The following GRM7 variants were observed in gnomAD, a reference collection of about 807,000 sequenced individuals.
GRM7 encodes the protein metabotropic glutamate receptor 7.
A neutral mutation model predicts 84.5 loss-of-function variants in GRM7; 35 were observed. The observed-to-expected ratio is 0.41, with a 90% CI of 0.32 to 0.55. The LOEUF is 0.55. GRM7 is among the 20% of genes least tolerant of loss of function. The pLI is 0.19. For missense variants in GRM7, 1,003 were observed against 1,194.6 expected (o/e 0.84, Z 2.36); for synonymous variants, 487 against 455.1 (o/e 1.07, Z -0.89).
chr3:7,543,408 G>C (rs73809209), intron 7 of GRM7, among the ~76,000 whole-genome samples: 2,076 of 152,316 alleles, frequency 0.014, 55 homozygotes, highest in African/African-American at 0.047. Flanking sequence ...AGATGGGCTG[G>C]CCAGGAAGTT....
intron 5 of GRM7, among the ~76,000 whole-genome samples, chr3:7,445,820 G>A (rs968192093): frequency 5.9e-5 from 9 of 152,176 alleles, no homozygotes; most frequent in East Asian, 5.8e-4. Flanking sequence ...TTATTTATCT[G>A]TTTATCTTTA....
intron 7 of GRM7, among the ~76,000 whole-genome samples, chr3:7,504,863 C>T (rs1040661901): frequency 5.9e-5 from 9 of 152,110 alleles, no homozygotes; most frequent in Non-Finnish European, 1.0e-4. Context: ...TAATTAATTC[C>T]ATCCTAATAG....
intron 1 of GRM7, among the ~76,000 whole-genome samples, chr3:6,912,399 C>A (rs1358227764): frequency 6.6e-6 from 1 of 152,090 alleles, no homozygotes; most frequent in Non-Finnish European, 1.5e-5. Flanking sequence ...TTGTTTCTAG[C>A]AACTTTGGGA....
intron 1 of GRM7, among the ~76,000 whole-genome samples, chr3:7,082,358 A>G (rs938720276): frequency 1.3e-5 from 2 of 152,130 alleles, no homozygotes; most frequent in Non-Finnish European, 2.9e-5. Flanking sequence ...GGATGACAGC[A>G]CAGTTGTTTA....
At position 7,740,871 on chromosome 3, in the gene GRM7, C is replaced by G. The variant is rs897434357; in HGVS notation, c.*465C>G. ...TTTCGAATGCCTTGTTTTCATAGAG[C>G]CCTATTCTCTCAGACGGTGGAATAT... On this transcript the variant is annotated 3_prime_UTR_variant, in exon 10 of 10. Coordinates refer to ENST00000357716, the MANE Select transcript of GRM7 (RefSeq NM_000844.4). 1 of 153,666 alleles carries G rather than the reference C, an allele frequency of 6.5e-6. No homozygotes were observed. Among genetic ancestry groups the G allele is most frequent in the African/African-American group, 2.4e-5 (1 of 41,436 alleles). 9.5% of individuals were successfully genotyped at this position (153,666 alleles called of 1,614,324 possible).
intron 1 of GRM7, among the ~76,000 whole-genome samples, chr3:6,938,030 A>G (rs1697750724): frequency 6.6e-6 from 1 of 152,184 alleles, no homozygotes; most frequent in Admixed American, 6.6e-5. Flanking sequence ...TGACACAATT[A>G]CCCATCTGTT....
At chr3:7,212,445 A>G (rs1461296505) in intron 2 of GRM7, among the ~76,000 whole-genome samples, 2 of 152,212 alleles carry the variant, frequency 1.3e-5, no homozygotes, top group Admixed American at 6.5e-5. Flanking sequence ...CAAAATAGCA[A>G]GAGTCCAGTC....
chr3:7,054,490 G>A lies in GRM7; in HGVS notation c.520-91962G>A, dbSNP rs112638295. On this transcript the variant is annotated intron_variant, in intron 1 of 9. Coordinates refer to ENST00000357716, the MANE Select transcript of GRM7 (RefSeq NM_000844.4). ...ACTGGGATGCAATGTTAAGTACAACGTTAAACTGAAATAATGAGAGTAGTC... is the reference window on the plus strand; with the variant it reads ...ACTGGGATGCAATGTTAAGTACAACATTAAACTGAAATAATGAGAGTAGTC... Among the ~76,000 whole-genome samples the A allele has an allele frequency of 6.3e-3, 950 of 151,566 alleles. 4 individuals carry two copies. Among genetic ancestry groups the A allele is most frequent in the Middle Eastern group, 0.014 (4 of 294 alleles).
At chr3:7,533,893 TAC>T (rs1701138408) in intron 7 of GRM7, among the ~76,000 whole-genome samples, 4 of 152,320 alleles carry the variant, frequency 2.6e-5, no homozygotes, top group Admixed American at 2.0e-4. Context: ...CTTACTGATT[TAC>T]TACGTTCCTA....
intron 6 of GRM7, among the ~76,000 whole-genome samples, chr3:7,455,122 C>T (rs1697950224): frequency 6.6e-6 from 1 of 151,854 alleles, no homozygotes; most frequent in Non-Finnish European, 1.5e-5. Flanking sequence ...ACTCTGGGAC[C>T]CCAGTGGATT....
At chr3:6,965,193 A>G (rs4686101) in intron 1 of GRM7, among the ~76,000 whole-genome samples, 64,936 of 152,114 alleles carry the variant, frequency 0.43, 14,245 homozygotes, top group Middle Eastern at 0.49. Context: ...TGGAAAACTA[A>G]TGCAGCTGAA....
intron 8 of GRM7, among the ~76,000 whole-genome samples, chr3:7,601,886 C>A (rs980608811): frequency 3.3e-5 from 5 of 151,916 alleles, no homozygotes; most frequent in Non-Finnish European, 7.4e-5. Flanking sequence ...ATAGTAGTTG[C>A]CAGGGTAATG....
At chr3:7,446,704 C>T (rs1450451934) in intron 5 of GRM7, among the ~76,000 whole-genome samples, 2 of 152,064 alleles carry the variant, frequency 1.3e-5, no homozygotes, top group Non-Finnish European at 2.9e-5. Context: ...AGGTGATCTG[C>T]CCACTTCGGC....
chr3:7,173,248 A>G (rs989502886), intron 2 of GRM7, among the ~76,000 whole-genome samples: 1 of 152,106 alleles, frequency 6.6e-6, no homozygotes, highest in African/African-American at 2.4e-5. Flanking sequence ...ATTCATCACC[A>G]AGTTCTCTCG....
chr3:7,357,789 C>T (rs1693476297), intron 4 of GRM7, among the ~76,000 whole-genome samples: 1 of 151,892 alleles, frequency 6.6e-6, no homozygotes, highest in Admixed American at 6.6e-5. Flanking sequence ...CTATAATTTT[C>T]TTCAAAAAAA....
intron 2 of GRM7, among the ~76,000 whole-genome samples, chr3:7,165,364 T>A (rs887637014): frequency 6.6e-6 from 1 of 152,178 alleles, no homozygotes; most frequent in Non-Finnish European, 1.5e-5. Context: ...GAGAAAAAAA[T>A]TGAAGAAAAA....
At chr3:7,056,545 A>G (rs1349786368) in intron 1 of GRM7, among the ~76,000 whole-genome samples, 1 of 152,028 alleles carries the variant, frequency 6.6e-6, no homozygotes, top group Non-Finnish European at 1.5e-5. Flanking sequence ...TTTGTTAAAT[A>G]AAGTTCCACT....
At chr3:7,024,897 G>A (rs1032578894) in intron 1 of GRM7, among the ~76,000 whole-genome samples, 26 of 152,176 alleles carry the variant, frequency 1.7e-4, no homozygotes, top group Admixed American at 1.6e-3. Context: ...AACCTTAGTG[G>A]CTTAAAACGA....
intron 2 of GRM7, among the ~76,000 whole-genome samples, chr3:7,268,146 T>C (rs928062966): frequency 6.6e-6 from 1 of 152,140 alleles, no homozygotes; most frequent in Non-Finnish European, 1.5e-5. Flanking sequence ...CATGCTAAAA[T>C]GTTTATTTAA....
Sources: gnomAD v4.1 joint callset for allele counts (sites outside exome capture counted in the v4.1 genomes callset) on GRCh38, gnomAD v4.1.1 for gene constraint, MANE v1.5 for transcripts, NCBI Gene and HGNC (gene_info 2026-07-23, HGNC 2026-07-21) for gene names.